Variants in PDE7B observed in about 807,000 individuals in gnomAD.
PDE7B encodes phosphodiesterase 7B, also known as 3',5'-cyclic-AMP phosphodiesterase 7B.
In PDE7B, 29 loss-of-function variants were observed where a neutral mutation model predicts 56.2. The observed-to-expected ratio is 0.52, with a 90% CI of 0.38 to 0.70. The LOEUF (loss-of-function observed/expected upper bound fraction) is 0.70. PDE7B is among the 30% of genes least tolerant of loss of function. The pLI is 0.00. For missense variants in PDE7B, 490 were observed against 565.0 expected (o/e 0.87, Z 1.35); for synonymous variants, 197 against 196.9 (o/e 1.00, Z 0.00).
chr6:136,161,931 CA>C (rs1778710232), intron 8 of PDE7B: 1 of 152,146 alleles, frequency 6.6e-6, no homozygotes, highest in African/African-American at 2.4e-5. Context: ...TATGTGTGCC[CA>C]TGGGGATATG....
chr6:135,935,204 ATATATATATATATT>A (rs1562445503), intron 1 of PDE7B, among the ~76,000 whole-genome samples: 886 of 73,856 alleles, frequency 0.012, 235 homozygotes, highest in African/African-American at 0.046. Context: ...ATATATATAT[ATATATATATATATT>A]TTCATGATTC....
intron 1 of PDE7B, among the ~76,000 whole-genome samples, chr6:135,898,660 A>G (rs1231142518): frequency 6.6e-6 from 1 of 152,204 alleles, no homozygotes. Context: ...ACATTGAACC[A>G]AAATTTTCTA....
chr6:136,050,415 A>C (rs889690381), intron 2 of PDE7B, among the ~76,000 whole-genome samples: 3 of 151,876 alleles, frequency 2.0e-5, no homozygotes, highest in African/African-American at 7.3e-5. Context: ...AGAAAATTAA[A>C]AAAAAAAAAT....
intron 8 of PDE7B, among the ~76,000 whole-genome samples, chr6:136,168,578 T>C (rs1388049891): frequency 1.3e-5 from 2 of 152,084 alleles, no homozygotes; most frequent in Non-Finnish European, 2.9e-5. Context: ...CTGGCAGCTG[T>C]AAGGAGGATG....
At chr6:136,016,141 C>T (rs565085991) in intron 2 of PDE7B, among the ~76,000 whole-genome samples, 1 of 152,144 alleles carries the variant, frequency 6.6e-6, no homozygotes, top group African/African-American at 2.4e-5. Flanking sequence ...ACGGCTCCCT[C>T]TAATACGTAG....
At chr6:135,987,471 G>A (rs1030518315) in intron 2 of PDE7B, among the ~76,000 whole-genome samples, 3 of 152,086 alleles carry the variant, frequency 2.0e-5, no homozygotes, top group South Asian at 2.1e-4. Context: ...CACTGGCCTC[G>A]TGTTCATTCC....
intron 8 of PDE7B, 80 bp from the exon 9 acceptor site, chr6:136,173,717 G>A (rs983577958): frequency 3.4e-5 from 32 of 928,582 alleles, no homozygotes; most frequent in African/African-American, 1.1e-4. Flanking sequence ...AAATGCTAGC[G>A]TCCGTGGAGC....
chr6:135,983,147 T>C (rs1775322699), intron 2 of PDE7B, among the ~76,000 whole-genome samples: 1 of 152,204 alleles, frequency 6.6e-6, no homozygotes, highest in African/African-American at 2.4e-5. Context: ...ATCATTGTGG[T>C]AGGTAGACAA....
At chr6:136,017,037 C>T (rs1250148688) in intron 2 of PDE7B, among the ~76,000 whole-genome samples, 1 of 152,144 alleles carries the variant, frequency 6.6e-6, no homozygotes, top group Admixed American at 6.5e-5. Context: ...AATGCTGACA[C>T]AAAAGCTTTG....
intron 2 of PDE7B, among the ~76,000 whole-genome samples, chr6:135,951,386 C>T (rs2051519): frequency 0.35 from 53,907 of 151,892 alleles, 9,982 homozygotes; most frequent in Admixed American, 0.5. Context: ...TTATCTCTCA[C>T]TGTATAATTA....
At chr6:135,939,156 C>T (rs1438138533) in intron 1 of PDE7B, among the ~76,000 whole-genome samples, 2 of 152,190 alleles carry the variant, frequency 1.3e-5, no homozygotes, top group Non-Finnish European at 2.9e-5. Flanking sequence ...CCTAACCATA[C>T]CTAATTAGAG....
intron 2 of PDE7B, 73 bp downstream of exon 2, chr6:135,947,597 T>C: frequency 8.9e-7 from 1 of 1,125,684 alleles, no homozygotes. Flanking sequence ...GTTGCCTTTT[T>C]GGCTGTCTCT....
At chr6:136,075,164 C>A (rs1411393257) in intron 2 of PDE7B, among the ~76,000 whole-genome samples, 1 of 152,158 alleles carries the variant, frequency 6.6e-6, no homozygotes, top group Non-Finnish European at 1.5e-5. Flanking sequence ...CTCTTGGGTG[C>A]TTTCCTTCTG....
chr6:136,155,141 T>C (rs1242047083), intron 7 of PDE7B, among the ~76,000 whole-genome samples: 1 of 152,230 alleles, frequency 6.6e-6, no homozygotes, highest in East Asian at 1.9e-4. Context: ...TTATTACACA[T>C]TGAAAAAAAT....
chr6:136,193,441 C>G lies in PDE7B; in HGVS notation c.*1601C>G, dbSNP rs1779261862. The G allele has an allele frequency of 6.6e-6, 1 of 152,568 alleles. No homozygotes were observed. Among genetic ancestry groups the G allele is most frequent in the South Asian group, 2.1e-4 (1 of 4,836 alleles). 9.5% of individuals were successfully genotyped at this position (152,568 alleles called of 1,614,324 possible). On this transcript the variant is annotated 3_prime_UTR_variant, in exon 13 of 13. Transcript: ENST00000308191. ...CAGGTCATTGTAGTTAATTATGTCT[C>G]TAGCTTGGAGTGTCACCTTGGAATT...
chr6:136,038,652 C>T (rs1171317729), intron 2 of PDE7B: 1 of 615,724 alleles, frequency 1.6e-6, no homozygotes, highest in Middle Eastern at 3.6e-4. Flanking sequence ...AGGGCTGTGA[C>T]TTCCAAATGT....
At chr6:136,006,605 C>T (rs562330127) in intron 2 of PDE7B, among the ~76,000 whole-genome samples, 4 of 152,060 alleles carry the variant, frequency 2.6e-5, no homozygotes, top group Admixed American at 6.6e-5. Context: ...TTTTGTAATT[C>T]CCATTGTAGA....
At chr6:135,875,034 G>T (rs144095311) in intron 1 of PDE7B, among the ~76,000 whole-genome samples, 2 of 151,718 alleles carry the variant, frequency 1.3e-5, no homozygotes, top group Admixed American at 6.6e-5. Flanking sequence ...AATATTAAAA[G>T]CTTCTATTCC....
At chr6:135,897,815 C>T (rs1453374514) in intron 1 of PDE7B, among the ~76,000 whole-genome samples, 1 of 152,174 alleles carries the variant, frequency 6.6e-6, no homozygotes, top group African/African-American at 2.4e-5. Context: ...TGTAAGGGCT[C>T]ATTCCTCTCA....
Sources: allele counts gnomAD v4.1 joint callset (sites outside exome capture counted in the v4.1 genomes callset), GRCh38; gene constraint gnomAD v4.1.1; transcripts MANE v1.5; gene names NCBI Gene and HGNC (gene_info 2026-07-23, HGNC 2026-07-21).